The following DNAH14 variants were observed in gnomAD, a reference collection of about 807,000 sequenced individuals.
DNAH14 encodes dynein axonemal heavy chain 14.
Under a neutral mutation model 520.9 loss-of-function variants are expected in DNAH14, and 478 were observed. The ratio of observed to expected loss-of-function variants is 0.92; its 90% confidence interval spans 0.85 to 0.99. The LOEUF is 0.99. Among genes scored for constraint, DNAH14 ranks in the 50% least tolerant of loss-of-function variants. The probability of loss-of-function intolerance (pLI) is 0.00; values close to 1 mark genes in which losing one functional copy is unlikely to be tolerated. For missense variants in DNAH14, 4,831 were observed against 5,234.5 expected (o/e 0.92, Z 2.38); for synonymous variants, 1,581 against 1,757.2 (o/e 0.90, Z 2.51).
intron 9 of DNAH14, among the ~76,000 whole-genome samples, chr1:225,004,290 C>G (rs1215808459): frequency 6.6e-6 from 1 of 152,056 alleles, no homozygotes; most frequent in African/African-American, 2.4e-5. Context: ...TTCTACCTAA[C>G]CCATTAGCAA....
At chr1:225,179,603 T>C (rs972915859) in intron 36 of DNAH14, among the ~76,000 whole-genome samples, 1 of 152,202 alleles carries the variant, frequency 6.6e-6, no homozygotes, top group Non-Finnish European at 1.5e-5. Flanking sequence ...ATTTTTGACA[T>C]TTTTCTCTTT....
intron 10 of DNAH14, among the ~76,000 whole-genome samples, chr1:225,016,108 A>G (rs928557196): frequency 1.3e-5 from 2 of 152,204 alleles, no homozygotes; most frequent in African/African-American, 4.8e-5. Flanking sequence ...TAACTAATGT[A>G]TAGGCTCTGA....
chr1:225,130,668 T>C (rs2078303753), intron 27 of DNAH14, among the ~76,000 whole-genome samples: 1 of 83,952 alleles, frequency 1.2e-5, no homozygotes, highest in East Asian at 4.0e-4. Context: ...TGGGGACTGT[T>C]GTGGGGTGGG....
chr1:225,089,999 G>C (rs562757527), intron 21 of DNAH14, among the ~76,000 whole-genome samples: 2 of 152,008 alleles, frequency 1.3e-5, no homozygotes, highest in Non-Finnish European at 2.9e-5. Flanking sequence ...TGTCCAGATT[G>C]AAAAAGAAGA....
At chr1:225,165,523 A>G (rs988625102) in intron 35 of DNAH14, among the ~76,000 whole-genome samples, 6 of 150,434 alleles carry the variant, frequency 4.0e-5, no homozygotes, top group African/African-American at 1.5e-4. Flanking sequence ...TAGTACTTAC[A>G]TGTGTTCTGG....
At chr1:224,988,922 A>G (rs531134596) in intron 8 of DNAH14, among the ~76,000 whole-genome samples, 1 of 152,176 alleles carries the variant, frequency 6.6e-6, no homozygotes, top group Non-Finnish European at 1.5e-5. Context: ...GGTGTGATCC[A>G]CTGTGCCCAG....
intron 41 of DNAH14, among the ~76,000 whole-genome samples, chr1:225,215,123 G>C (rs1264509867): frequency 6.6e-6 from 1 of 151,362 alleles, no homozygotes; most frequent in Non-Finnish European, 1.5e-5. Context: ...GTTCTCATTG[G>C]TTTCAAAGAA....
intron 57 of DNAH14, among the ~76,000 whole-genome samples, chr1:225,303,887 T>C (rs1182729423): frequency 6.6e-6 from 1 of 152,096 alleles, no homozygotes; most frequent in East Asian, 1.9e-4. Flanking sequence ...TGTAAATGCA[T>C]AGAGAACTGA....
intron 79 of DNAH14, among the ~76,000 whole-genome samples, chr1:225,378,750 G>A (rs2095737914): frequency 6.6e-6 from 1 of 151,978 alleles, no homozygotes; most frequent in African/African-American, 2.4e-5. Context: ...GCATGGTGGT[G>A]AGCACCTGTA....
intron 84 of DNAH14, chr1:225,398,046 C>CCA (rs2096045748): frequency 1.5e-5 from 1 of 66,806 alleles, no homozygotes; most frequent in Non-Finnish European, 2.5e-5. Context: ...GACCCCATGT[C>CCA]AAAAAAAAAA....
At chr1:224,976,634 T>C (rs1302801583) in intron 8 of DNAH14, among the ~76,000 whole-genome samples, 1 of 150,708 alleles carries the variant, frequency 6.6e-6, no homozygotes, top group Non-Finnish European at 1.5e-5. Flanking sequence ...CTCAAACAAA[T>C]TTACAAGAAA....
chr1:225,119,867 A>G (rs567462816), intron 26 of DNAH14, among the ~76,000 whole-genome samples: 13 of 152,310 alleles, frequency 8.5e-5, no homozygotes, highest in South Asian at 2.1e-4. Flanking sequence ...TTTTATATCT[A>G]TAGTTGTTAA....
intron 23 of DNAH14, among the ~76,000 whole-genome samples, chr1:225,110,214 A>C (rs900337206): frequency 2.6e-5 from 4 of 151,974 alleles, no homozygotes; most frequent in African/African-American, 9.7e-5. Context: ...GTTTGGAAGT[A>C]TTCCTTTCTC....
intron 11 of DNAH14, among the ~76,000 whole-genome samples, chr1:225,031,396 T>A (rs1175358025): frequency 6.6e-6 from 1 of 152,050 alleles, no homozygotes; most frequent in Non-Finnish European, 1.5e-5. Flanking sequence ...GTTTACCCAT[T>A]GTCTGTGGCA....
chr1:225,129,850 G>A (rs905964618), intron 27 of DNAH14, among the ~76,000 whole-genome samples: 1 of 152,146 alleles, frequency 6.6e-6, no homozygotes, highest in African/African-American at 2.4e-5. Flanking sequence ...CTTCTGCACA[G>A]CAAAAGAAAC....
chr1:225,170,183 C>T lies in DNAH14; in HGVS notation c.5535+2155C>T, dbSNP rs138260449. On this transcript the variant is annotated intron_variant, in intron 36 of 85. Transcript: ENST00000682510. ...CAAAAACATGCCAAATTGCAAAGAC[C>T]GTTGAGGCTAGGAAGAAACTGCATC... Among the ~76,000 whole-genome samples, 631 of 152,280 alleles carry T rather than the reference C, an allele frequency of 4.1e-3. 2 individuals are homozygous for T. Among genetic ancestry groups the T allele is most frequent in the Middle Eastern group, 0.017 (5 of 294 alleles).
chr1:225,170,516 CAAAG>C (rs1287557787), intron 36 of DNAH14, among the ~76,000 whole-genome samples: 4 of 152,028 alleles, frequency 2.6e-5, no homozygotes, highest in African/African-American at 4.8e-5. Context: ...TCAAAAGAGA[CAAAG>C]AAGGCCATTA....
Position 225,150,172 on chromosome 1 carries a change from GT to G in DNAH14, c.4941-1829del, listed in dbSNP as rs1187549483. ...TGAGATTATCATTTTTTTGTCTTTAGTTTTGTTTATGTAATGAATATATTTA... is the reference window on the plus strand; with the variant it reads ...TGAGATTATCATTTTTTTGTCTTTAGTTTGTTTATGTAATGAATATATTTA... On this transcript the variant is annotated intron_variant, in intron 31 of 85. Coordinates refer to ENST00000682510, the MANE Select transcript of DNAH14 (RefSeq NM_001367479.1). Among the ~76,000 whole-genome samples the G allele has an allele frequency of 2.1e-4, 32 of 152,154 alleles. No individual in the cohort carries two copies. In the East Asian group the frequency reaches 5.6e-3, roughly 27 times the overall value.
rs148848778 is a variant in DNAH14, at chr1:225,180,853, G to A, written c.5536-4438G>A. ...TAAGTTTTTATACTAGACTTACAGCGTACATGTACAGGTTTGTGACATGGT... is the reference window on the plus strand; with the variant it reads ...TAAGTTTTTATACTAGACTTACAGCATACATGTACAGGTTTGTGACATGGT... On this transcript the variant is annotated intron_variant, in intron 36 of 85. Transcript: ENST00000682510. 1.9e-3 allele frequency among the ~76,000 whole-genome samples: 287 copies of A among 152,254 alleles called. 1 individual carries two copies. Among genetic ancestry groups the A allele is most frequent in the Middle Eastern group, 3.4e-3 (1 of 294 alleles).
Sources: allele counts gnomAD v4.1 joint callset (sites outside exome capture counted in the v4.1 genomes callset), GRCh38; gene constraint gnomAD v4.1.1; transcripts MANE v1.5; gene names NCBI Gene and HGNC (gene_info 2026-07-23, HGNC 2026-07-21).